Variants in ABCA13 observed in about 807,000 individuals in gnomAD.
The protein encoded by ABCA13 is ATP-binding cassette sub-family A member 13.
ABCA13 carries 476 observed loss-of-function variants against 478.7 expected under a neutral mutation model. That is an observed-to-expected ratio of 0.99 (90% CI 0.92 to 1.07). The LOEUF is 1.07. ABCA13 is among the 50% of genes least tolerant of loss of function. The pLI is 0.00. For missense variants in ABCA13, 6,060 were observed against 5,910.6 expected (o/e 1.03, Z -0.83); for synonymous variants, 2,252 against 2,158.9 (o/e 1.04, Z -1.20).
chr7:48,371,298 A>T (rs1312324234), intron 32 of ABCA13, among the ~76,000 whole-genome samples: 1 of 151,972 alleles, frequency 6.6e-6, no homozygotes, highest in East Asian at 1.9e-4. Context: ...TTTAAAGTAG[A>T]TTTATCTAAT....
At chr7:48,331,830 A>G (rs572853817) in intron 27 of ABCA13, among the ~76,000 whole-genome samples, 1 of 152,316 alleles carries the variant, frequency 6.6e-6, no homozygotes, top group South Asian at 2.1e-4. Context: ...GCACTGAAGC[A>G]GAACAACCAT....
chr7:48,356,242 G>A (rs1809890775), intron 31 of ABCA13, among the ~76,000 whole-genome samples: 1 of 151,952 alleles, frequency 6.6e-6, no homozygotes, highest in South Asian at 2.1e-4. Context: ...TTCATAGAGA[G>A]TAGCTTCCAT....
chr7:48,478,222 CATT>C (rs1286894416), intron 45 of ABCA13, among the ~76,000 whole-genome samples: 2 of 145,882 alleles, frequency 1.4e-5, no homozygotes, highest in East Asian at 2.0e-4. Context: ...ATACATATAT[CATT>C]ATATATACAT....
chr7:48,606,407 C>T (rs1212294589), intron 58 of ABCA13, among the ~76,000 whole-genome samples: 3 of 152,006 alleles, frequency 2.0e-5, no homozygotes, highest in Non-Finnish European at 4.4e-5. Flanking sequence ...TCTGAGTGGG[C>T]GTCCTTTTTG....
Position 48,279,084 on chromosome 7 carries a change from CT to C in ABCA13, c.7894del (p.Ser2632LeufsTer11). On this transcript the variant is annotated frameshift_variant, in exon 18 of 62. Coordinates refer to ENST00000435803, the MANE Select transcript of ABCA13 (RefSeq NM_152701.5). LOFTEE classifies it high-confidence loss of function. ...TCTCATATATGAACCAATCTAAGGA[CT>C]TTTCTGATATTTTGGAAGAAATTGC... is the stretch of plus-strand genomic sequence containing the variant. ...ILSYMNQSKD[F>X]SDILEEIAEF... The C allele has an allele frequency of 6.2e-7, 1 of 1,612,474 alleles. No individual in the cohort carries two copies. Among genetic ancestry groups the C allele is most frequent in the African/African-American group, 1.3e-5 (1 of 75,010 alleles).
rs775942969 is a variant in ABCA13, at chr7:48,389,204, G to A, written c.11638G>A (p.Gly3880Arg). 24 of 1,613,036 alleles carry A rather than the reference G, an allele frequency of 1.5e-5. No individual in the cohort carries two copies. The highest frequency in any genetic ancestry group is 6.7e-5 in the East Asian group (3 of 44,816). The change falls in exon 37 of 62, where the codon GGG (glycine) becomes AGG (arginine). Residue 3880 changes from glycine (G) to arginine (R), a missense_variant. Around this residue, in one of 3 missense-constraint regions of ABCA13, gnomAD observed 1,627 missense variants for 1,571.0 expected, o/e 1.04. Coordinates refer to ENST00000435803, the MANE Select transcript of ABCA13 (RefSeq NM_152701.5). ...CGCCCTGCTGGGGACAAACGGTGCC[G>A]GGAAAACCACTATCATGTGGGTCCC... Reference protein sequence around the residue: ...ITALLGTNGAGKTTIISMLTG... With the variant: ...ITALLGTNGARKTTIISMLTG...
intron 49 of ABCA13, among the ~76,000 whole-genome samples, chr7:48,507,279 T>A (rs943170158): frequency 1.3e-5 from 2 of 152,226 alleles, no homozygotes; most frequent in Non-Finnish European, 2.9e-5. Flanking sequence ...AAAGACCATC[T>A]GTGGTCTGAC....
intron 29 of ABCA13, among the ~76,000 whole-genome samples, chr7:48,339,353 A>G (rs1231246318): frequency 1.3e-5 from 2 of 152,210 alleles, no homozygotes; most frequent in African/African-American, 2.4e-5. Flanking sequence ...TAATTTTTTC[A>G]ATTAATTAAA....
At chr7:48,456,297 T>C (rs1420220725) in intron 43 of ABCA13, among the ~76,000 whole-genome samples, 1 of 152,230 alleles carries the variant, frequency 6.6e-6, no homozygotes, top group African/African-American at 2.4e-5. Flanking sequence ...ATTTTTGTAG[T>C]GATGTGTAAT....
intron 27 of ABCA13, among the ~76,000 whole-genome samples, chr7:48,321,319 G>A (rs191264521): frequency 6.6e-6 from 1 of 152,276 alleles, no homozygotes; most frequent in African/African-American, 2.4e-5. Flanking sequence ...GCATAAAGGG[G>A]TATATAATGC....
At chr7:48,377,111 G>A (rs1171516120) in intron 35 of ABCA13, among the ~76,000 whole-genome samples, 1 of 152,032 alleles carries the variant, frequency 6.6e-6, no homozygotes, top group African/African-American at 2.4e-5. Context: ...CACGGATATG[G>A]GGTTTCCCAA....
chr7:48,278,330 C>T lies in ABCA13; in HGVS notation c.7136C>T (p.Thr2379Ile), dbSNP rs746370852. 1 of 1,612,938 alleles carries T rather than the reference C, an allele frequency of 6.2e-7. No individual in the cohort carries two copies. The highest frequency in any genetic ancestry group is 2.2e-5 in the East Asian group (1 of 44,844). Reference sequence around the variant, plus strand: ...AGGGAAACTTCAATGAAAAATAAGACTGAAAATAATATAGACTTTTTCACA... The same window carrying T: ...AGGGAAACTTCAATGAAAAATAAGATTGAAAATAATATAGACTTTTTCACA... ...LLRETSMKNK[T>I]ENNIDFFTVV... Residue 2379 changes from threonine to isoleucine, a missense_variant, in exon 18 of 62, where the codon ACT becomes ATT. By Grantham distance (89) the Thr-to-Ile change is moderately conservative (BLOSUM62 -1). Transcript: ENST00000435803.
At chr7:48,321,894 G>A (rs1442986911) in intron 27 of ABCA13, among the ~76,000 whole-genome samples, 3 of 152,204 alleles carry the variant, frequency 2.0e-5, no homozygotes, top group African/African-American at 7.2e-5. Context: ...GGCTGTGGGA[G>A]TCCTGGGCCC....
At chr7:48,326,986 T>C (rs1035770475) in intron 27 of ABCA13, among the ~76,000 whole-genome samples, 1 of 152,196 alleles carries the variant, frequency 6.6e-6, no homozygotes, top group Admixed American at 6.5e-5. Flanking sequence ...GAGTTTTACA[T>C]TTGCTCATAG....
intron 45 of ABCA13, among the ~76,000 whole-genome samples, chr7:48,475,715 C>T (rs144853693): frequency 1.4e-4 from 21 of 152,060 alleles, no homozygotes; most frequent in African/African-American, 4.6e-4. Context: ...CCACCTGCCT[C>T]GGCCTCCCAA....
chr7:48,470,522 T>A (rs137967296), intron 44 of ABCA13, among the ~76,000 whole-genome samples: 2 of 152,338 alleles, frequency 1.3e-5, no homozygotes, highest in African/African-American at 4.8e-5. Context: ...TTAGGTGTTA[T>A]TTCCATGTAA....
In ABCA13 at chr7:48,246,019, G is replaced by A. The variant is rs572136692; in HGVS notation, c.1648G>A (p.Val550Ile). Residue 550 changes from valine to isoleucine, a missense_variant, in exon 13 of 62, where the codon GTA becomes ATA. Physicochemically the swap from Val to Ile is conservative, Grantham distance 29. This residue lies in a region of ABCA13 where 4,423 missense variants were observed against 4,309.1 expected (regional missense o/e 1.03). Transcript: ENST00000435803. ...TGTTTTAAACAAGCTACTTGGTTCA[G>A]TAGAGGATGCTGTAAGTATTCTACC... ...TSVLNKLLGS[V>I]EDADRILQEV... 5.0e-6 allele frequency: 8 copies of A among 1,613,270 alleles called. No individual in the cohort carries two copies. Among genetic ancestry groups the A allele is most frequent in the African/African-American group, 1.3e-5 (1 of 75,024 alleles).
intron 61 of ABCA13, 147 bp downstream of exon 61, chr7:48,644,901 G>T (rs2131706780): frequency 1.1e-6 from 1 of 889,342 alleles, no homozygotes. Context: ...GATAAGGATG[G>T]TGAGTGTCAG....
At chr7:48,215,414 T>A (rs1236061914) in intron 3 of ABCA13, among the ~76,000 whole-genome samples, 1 of 152,074 alleles carries the variant, frequency 6.6e-6, no homozygotes, top group Non-Finnish European at 1.5e-5. Context: ...AGATCACTGA[T>A]TACAGAACAC....
Sources: allele counts gnomAD v4.1 joint callset (sites outside exome capture counted in the v4.1 genomes callset), GRCh38; gene constraint gnomAD v4.1.1; regional missense constraint gnomAD v4.1.1; transcripts MANE v1.5; gene names NCBI Gene and HGNC (gene_info 2026-07-23, HGNC 2026-07-21).